CPXM2: variants seen among roughly 807,000 people sequenced by gnomAD.
CPXM2 encodes carboxypeptidase X, M14 family member 2.
In CPXM2, 66 loss-of-function variants were observed where a neutral mutation model predicts 86.1. The observed-to-expected ratio is 0.77, with a 90% CI of 0.63 to 0.94. CPXM2 has a LOEUF of 0.94. Among genes scored for constraint, CPXM2 ranks in the 40% least tolerant of loss-of-function variants. The probability of loss-of-function intolerance (pLI) is 0.00; values close to 1 mark genes in which losing one functional copy is unlikely to be tolerated. For missense variants in CPXM2, 948 were observed against 1,026.3 expected (o/e 0.92, Z 1.04); for synonymous variants, 388 against 400.2 (o/e 0.97, Z 0.36).
intron 13 of CPXM2, chr10:123,752,512 G>A (rs1846101239): frequency 1.0e-6 from 1 of 985,314 alleles, no homozygotes; most frequent in African/African-American, 1.7e-5. Flanking sequence ...CCCACTGCTA[G>A]GGAGCCTGGC....
At chr10:123,862,872 C>T in intron 2 of CPXM2, 149 bp from the exon 3 acceptor site, 2 of 681,718 alleles carry the variant, frequency 2.9e-6, no homozygotes, top group East Asian at 2.7e-5. Flanking sequence ...GTTGATTGAA[C>T]TGTCAACATT....
At chr10:123,831,388 C>T (rs1848163428) in intron 4 of CPXM2, among the ~76,000 whole-genome samples, 1 of 152,210 alleles carries the variant, frequency 6.6e-6, no homozygotes, top group Admixed American at 6.5e-5. Context: ...CTGCCTACAG[C>T]TGGGAGCTCC....
At chr10:123,859,701 C>T (rs1374947256) in intron 3 of CPXM2, among the ~76,000 whole-genome samples, 1 of 152,186 alleles carries the variant, frequency 6.6e-6, no homozygotes, top group African/African-American at 2.4e-5. Context: ...GAAAGAAAAA[C>T]CCACGAAGAC....
chr10:123,873,448 G>A (rs1006003247), intron 2 of CPXM2, among the ~76,000 whole-genome samples: 15 of 152,146 alleles, frequency 9.9e-5, no homozygotes, highest in Admixed American at 5.2e-4. Flanking sequence ...AAATTGATTC[G>A]TAAAATCAAT....
intron 6 of CPXM2, among the ~76,000 whole-genome samples, chr10:123,792,820 C>G (rs1005466538): frequency 1.3e-5 from 2 of 152,278 alleles, no homozygotes; most frequent in Admixed American, 6.5e-5. Flanking sequence ...CTGCAATACT[C>G]ATGCACACAA....
chr10:123,864,540 C>CAAAAG (rs1564804223), intron 2 of CPXM2, among the ~76,000 whole-genome samples: 4 of 152,184 alleles, frequency 2.6e-5, no homozygotes, highest in Admixed American at 2.0e-4. Flanking sequence ...ATTTCACTGC[C>CAAAAG]GTGTTGAAGG....
At chr10:123,828,683 C>G (rs1262912201) in intron 4 of CPXM2, among the ~76,000 whole-genome samples, 1 of 152,158 alleles carries the variant, frequency 6.6e-6, no homozygotes, top group African/African-American at 2.4e-5. Flanking sequence ...AATACACAAA[C>G]CTTGACCTAA....
upstream of CPXM2, among the ~76,000 whole-genome samples, chr10:123,892,875 G>C (rs2134253080): frequency 6.6e-6 from 1 of 152,288 alleles, no homozygotes; most frequent in East Asian, 1.9e-4. Context: ...TCTTCTGCAG[G>C]CTCCTCCAGG....
intron 4 of CPXM2, among the ~76,000 whole-genome samples, chr10:123,816,641 T>C (rs905706255): frequency 5.3e-5 from 8 of 152,220 alleles, no homozygotes; most frequent in African/African-American, 1.9e-4. Flanking sequence ...TTAACACATC[T>C]CCTGGCAACT....
At chr10:123,832,656 G>A (rs771522334) in intron 4 of CPXM2, among the ~76,000 whole-genome samples, 2 of 151,882 alleles carry the variant, frequency 1.3e-5, no homozygotes, top group Admixed American at 6.6e-5. Flanking sequence ...GCGAAACCCC[G>A]TCCCTACTAA....
At chr10:123,932,028 C>T (rs1945670403) in intron 2 of CPXM2, among the ~76,000 whole-genome samples, 2 of 151,824 alleles carry the variant, frequency 1.3e-5, no homozygotes, top group South Asian at 4.2e-4. Context: ...TTTTTTTAAA[C>T]AGGGTGACAG....
intron 13 of CPXM2, among the ~76,000 whole-genome samples, chr10:123,747,652 C>A (rs1410532846): frequency 1.3e-5 from 2 of 152,098 alleles, no homozygotes; most frequent in Non-Finnish European, 2.9e-5. Flanking sequence ...GCCCATGCCT[C>A]CCAGGTAACT....
intron 2 of CPXM2, among the ~76,000 whole-genome samples, chr10:123,868,215 C>T (rs28617380): frequency 0.66 from 100,902 of 152,034 alleles, 34,440 homozygotes; most frequent in African/African-American, 0.74. Flanking sequence ...CTTAGGCCAG[C>T]GCCCAAGGCT....
chr10:123,768,254 C>T (rs534124537), intron 9 of CPXM2, among the ~76,000 whole-genome samples: 1 of 152,052 alleles, frequency 6.6e-6, no homozygotes, highest in Admixed American at 6.6e-5. Context: ...GGCTGGCGGC[C>T]GTAATCCCAG....
intron 3 of CPXM2, among the ~76,000 whole-genome samples, chr10:123,848,094 A>G (rs114184479): frequency 0.028 from 4,288 of 152,348 alleles, 80 homozygotes; most frequent in African/African-American, 0.052. Flanking sequence ...AAAAAAATTT[A>G]GAAGCAATAG....
intron 3 of CPXM2, among the ~76,000 whole-genome samples, chr10:123,852,917 A>G (rs1243320979): frequency 6.6e-6 from 1 of 152,130 alleles, no homozygotes; most frequent in Non-Finnish European, 1.5e-5. Flanking sequence ...ACCTTCTAAC[A>G]TACTATAATA....
At chr10:123,813,879 G>C (rs140048986) in intron 4 of CPXM2, among the ~76,000 whole-genome samples, 26 of 152,266 alleles carry the variant, frequency 1.7e-4, no homozygotes, top group Non-Finnish European at 3.7e-4. Context: ...TTAGACCCTT[G>C]TACCTGATCA....
intron 2 of CPXM2, among the ~76,000 whole-genome samples, chr10:123,928,224 G>A (rs113566116): frequency 2.4e-4 from 36 of 152,276 alleles, no homozygotes; most frequent in African/African-American, 7.9e-4. Context: ...ATTGTCCGTG[G>A]ACACCTGGCC....
In CPXM2 at chr10:123,786,160, C is replaced by T. The variant is rs957471179; in HGVS notation, c.890-5905G>A. On this transcript the variant is annotated intron_variant, in intron 6 of 13. Transcript: ENST00000241305. ...GTAGCTTTAATCTTGAAGCAAAAAG[C>T]TTTTACTGACTTCATCCTATTGTTC... Among the ~76,000 whole-genome samples, 4 of 152,154 alleles carry T rather than the reference C, an allele frequency of 2.6e-5. No homozygotes were observed. In the South Asian group the frequency reaches 8.3e-4, roughly 31 times the overall value.
Sources: gnomAD v4.1 joint callset for allele counts (sites outside exome capture counted in the v4.1 genomes callset) on GRCh38, gnomAD v4.1.1 for gene constraint, MANE v1.5 for transcripts, NCBI Gene and HGNC (gene_info 2026-07-23, HGNC 2026-07-21) for gene names.